BTAF1: variants seen among roughly 807,000 people sequenced by gnomAD.
BTAF1 encodes B-TFIID TATA-box binding protein associated factor 1.
Under a neutral mutation model 227.1 loss-of-function variants are expected in BTAF1, and 38 were observed. The ratio of observed to expected loss-of-function variants is 0.17; its 90% CI spans 0.13 to 0.22. The LOEUF (loss-of-function observed/expected upper bound fraction) is 0.22. Ranked by LOEUF, BTAF1 falls within the 10% of genes least tolerant of loss-of-function variation. The pLI is 1.00. For synonymous variants in BTAF1, 742 were observed against 751.9 expected (o/e 0.99, Z 0.21); for missense variants, 1,598 against 2,204.0 (o/e 0.73, Z 5.51).
rs185870397 is a variant in BTAF1 at position 92,024,939 on chromosome 10, C to G, written c.5047C>G (p.Pro1683Ala). The G allele has an allele frequency of 8.1e-5, 131 of 1,614,044 alleles. No individual in the cohort carries two copies. In the African/African-American group the frequency reaches 1.6e-3, roughly 19 times the overall value. ...TYLRLDGSIP[P>A]GQRHSIVSRF... ...TTTGAGATTAGATGGCAGCATACCT[C>G]CTGGTCAGAGGCATTCCATTGTTTC... Residue 1683 changes from proline (P) to alanine (A), a missense_variant, in exon 35 of 38, where the codon CCT (proline) becomes GCT (alanine). Physicochemically the swap from Pro to Ala is conservative, Grantham distance 27. Coordinates refer to ENST00000265990, the MANE Select transcript of BTAF1 (RefSeq NM_003972.3).
chr10:91,978,855 A>G (rs77839068), intron 14 of BTAF1, among the ~76,000 whole-genome samples: 6,473 of 110,688 alleles, frequency 0.058, 213 homozygotes, highest in Non-Finnish European at 0.081. Context: ...TTTTAGGTTC[A>G]TGGGTACATG....
chr10:92,028,671 T>G (rs1250830283), intron 37 of BTAF1, 119 bp from the exon 38 acceptor site: 9 of 978,820 alleles, frequency 9.2e-6, no homozygotes, highest in African/African-American at 1.7e-5. Flanking sequence ...CCCCATCACT[T>G]GAAGTACTCA....
In BTAF1 at chr10:92,018,841, A is replaced by T. The variant is rs150476679; in HGVS notation, c.4769A>T (p.His1590Leu). Reference protein sequence around the residue: ...NHPALVLTPQHPEFKTTAEKL... With the variant: ...NHPALVLTPQLPEFKTTAEKL... ...CCAGCATTAGTCTTAACACCTCAAC[A>T]TCCAGAATTCAAGACCACTGCCGAA... Residue 1590 changes from histidine (H) to leucine (L), a missense_variant, in exon 34 of 38, where the codon CAT becomes CTT. By Grantham distance (99) the His-to-Leu change is moderately conservative. Transcript: ENST00000265990. 1.9e-6 allele frequency: 3 copies of T among 1,610,870 alleles called. No homozygotes were observed. Among genetic ancestry groups the T allele is most frequent in the Non-Finnish European group, 2.5e-6 (3 of 1,179,176 alleles).
intron 25 of BTAF1, among the ~76,000 whole-genome samples, chr10:91,998,375 T>C: frequency 1.3e-5 from 2 of 152,310 alleles, no homozygotes; most frequent in Admixed American, 1.3e-4. Context: ...TAAGTTTTTC[T>C]GGTAACATCT....
chr10:91,963,961 G>C (rs1846707296), intron 12 of BTAF1, 116 bp from the exon 13 acceptor site: 1 of 1,134,138 alleles, frequency 8.8e-7, no homozygotes, highest in Non-Finnish European at 1.3e-6. Flanking sequence ...CACCGTCCAA[G>C]GTCATTGGAA....
At chr10:92,011,515 AT>A in intron 30 of BTAF1, 100 bp downstream of exon 30, 1 of 473,208 alleles carries the variant, frequency 2.1e-6, no homozygotes, top group Non-Finnish European at 3.2e-6. Flanking sequence ...ATTAAAGAAG[AT>A]TTTTTATTGT....
chr10:92,011,944 A>T (rs1446091369), intron 30 of BTAF1, among the ~76,000 whole-genome samples: 1 of 151,966 alleles, frequency 6.6e-6, no homozygotes, highest in African/African-American at 2.4e-5. Flanking sequence ...TCTAGCTTGG[A>T]TAGCAAACTT....
chr10:91,940,058 C>T lies in BTAF1; in HGVS notation c.245C>T (p.Thr82Ile). The T allele has an allele frequency of 6.2e-7, 1 of 1,607,028 alleles. No individual in the cohort carries two copies. The highest frequency in any genetic ancestry group is 8.5e-7 in the Non-Finnish European group (1 of 1,174,746). The change falls in exon 3 of 38, where the codon ACC (threonine) becomes ATC (isoleucine). Residue 82 changes from threonine (T) to isoleucine (I), a missense_variant. Physicochemically the swap from Thr to Ile is moderately conservative, Grantham distance 89. Transcript: ENST00000265990. The part of the protein sequence containing the change: ...NVPEWNPVPR[T>I]RQEPTSESSM... Reference sequence around the variant, plus strand: ...CCTGAGTGGAATCCAGTGCCGAGAACCAGACAAGGTGCTTTTAAGTGGAGA... The same window carrying T: ...CCTGAGTGGAATCCAGTGCCGAGAATCAGACAAGGTGCTTTTAAGTGGAGA...
At chr10:92,019,517 A>G (rs1185984028) in intron 34 of BTAF1, among the ~76,000 whole-genome samples, 1 of 152,204 alleles carries the variant, frequency 6.6e-6, no homozygotes, top group African/African-American at 2.4e-5. Context: ...TCTTTTGGCT[A>G]GAGACTAAGG....
intron 13 of BTAF1, among the ~76,000 whole-genome samples, chr10:91,966,425 A>C (rs1846917239): frequency 6.6e-6 from 1 of 152,112 alleles, no homozygotes; most frequent in Non-Finnish European, 1.5e-5. Context: ...TTTTGACTGC[A>C]TTTGCTCTGG....
intron 2 of BTAF1, among the ~76,000 whole-genome samples, chr10:91,937,952 A>AT (rs1458671843): frequency 6.6e-6 from 1 of 152,172 alleles, no homozygotes; most frequent in Non-Finnish European, 1.5e-5. Context: ...ACTGACTTTG[A>AT]TTATAGCCAT....
chr10:91,923,857 C>G lies in BTAF1; in HGVS notation c.-220C>G. ...GTGCGGGTCGGAGGACTGCCGCCTC[C>G]GCTACCGTCTTGGACCCCTGCTTAC... On this transcript the variant is annotated 5_prime_UTR_variant, in exon 1 of 38. Coordinates refer to ENST00000265990, the MANE Select transcript of BTAF1 (RefSeq NM_003972.3). 2.1e-6 allele frequency: 1 copy of G among 467,988 alleles called. No individual in the cohort carries two copies. Among genetic ancestry groups the G allele is most frequent in the Non-Finnish European group, 3.7e-6 (1 of 267,818 alleles). 29.0% of individuals were successfully genotyped at this position (467,988 alleles called of 1,614,324 possible).
intron 14 of BTAF1, among the ~76,000 whole-genome samples, chr10:91,973,370 C>G (rs1450520053): frequency 2.0e-5 from 3 of 152,136 alleles, no homozygotes; most frequent in African/African-American, 7.2e-5. Flanking sequence ...TATGAAAGTG[C>G]TTTGAAAATG....
At chr10:91,971,601 A>G (rs1247932919) in intron 14 of BTAF1, among the ~76,000 whole-genome samples, 1 of 151,402 alleles carries the variant, frequency 6.6e-6, no homozygotes, top group Non-Finnish European at 1.5e-5. Context: ...CCTCCTGAGT[A>G]GCTGGGATTA....
Position 92,009,035 on chromosome 10 carries a change from G to T in BTAF1, c.3936-6G>T. 6.2e-7 allele frequency: 1 copy of T among 1,613,784 alleles called. No homozygotes were observed. The highest frequency in any genetic ancestry group is 8.5e-7 in the Non-Finnish European group (1 of 1,179,804). On this transcript the variant is annotated splice_region_variant and splice_polypyrimidine_tract_variant and intron_variant, in intron 27 of 37. Transcript: ENST00000265990. ...GGTTAATTTATTGTGTTTTGCTATT[G>T]TAAAGGGCCCAGGAATATGCAAGAT...
intron 2 of BTAF1, among the ~76,000 whole-genome samples, chr10:91,938,989 A>G (rs1400202508): frequency 0.032 from 1,746 of 54,886 alleles, 37 homozygotes; most frequent in African/African-American, 0.071. Flanking sequence ...AAAAAAAAAA[A>G]GGGGGGGGGG....
intron 14 of BTAF1, among the ~76,000 whole-genome samples, chr10:91,970,356 A>G (rs1361932428): frequency 6.6e-6 from 1 of 152,168 alleles, no homozygotes; most frequent in Non-Finnish European, 1.5e-5. Context: ...CACTCCTGAT[A>G]AAGACATACC....
In BTAF1 at chr10:92,024,957, A is replaced by G. The variant is rs1471184828; in HGVS notation, c.5065A>G (p.Ile1689Val). 30 of 1,613,648 alleles carry G rather than the reference A, an allele frequency of 1.9e-5. No homozygotes were observed. Among genetic ancestry groups the G allele is most frequent in the African/African-American group, 2.7e-5 (2 of 74,876 alleles). Reference sequence around the variant, plus strand: ...CATACCTCCTGGTCAGAGGCATTCCATTGTTTCCCGGTAAGTGGCTTCTAA... The same window carrying G: ...CATACCTCCTGGTCAGAGGCATTCCGTTGTTTCCCGGTAAGTGGCTTCTAA... ...GSIPPGQRHSIVSRFNNDPSI... is the reference protein window; with the variant it reads ...GSIPPGQRHSVVSRFNNDPSI... The change falls in exon 35 of 38, where the codon ATT (isoleucine) becomes GTT (valine). Residue 1689 changes from isoleucine to valine, a missense_variant. Ile to Val is a conservative substitution (Grantham distance 29). Transcript: ENST00000265990.
chr10:91,981,995 G>A, intron 16 of BTAF1, 88 bp from the exon 17 acceptor site: 1 of 1,443,096 alleles, frequency 6.9e-7, no homozygotes, highest in South Asian at 1.5e-5. Context: ...ATTTTACTGG[G>A]ATTATTTTAA....
Sources: gnomAD v4.1 joint callset for allele counts (sites outside exome capture counted in the v4.1 genomes callset) on GRCh38, gnomAD v4.1.1 for gene constraint, MANE v1.5 for transcripts, NCBI Gene and HGNC (gene_info 2026-07-23, HGNC 2026-07-21) for gene names.